The following ABCB10 variants were observed in gnomAD, a reference collection of about 807,000 sequenced individuals.
ABCB10 encodes ATP-binding cassette sub-family B member 10, mitochondrial.
In ABCB10, 54 loss-of-function variants were observed where a neutral mutation model predicts 65.4. That is an observed-to-expected ratio of 0.83 (90% confidence interval 0.66 to 1.04). ABCB10 has a LOEUF of 1.04. Ranked by LOEUF, ABCB10 falls within the 50% of genes least tolerant of loss-of-function variation. ABCB10 has a pLI of 0.00. For missense variants in ABCB10, 846 were observed against 976.6 expected (o/e 0.87, Z 1.78); for synonymous variants, 418 against 406.5 (o/e 1.03, Z -0.34).
intron 1 of ABCB10, among the ~76,000 whole-genome samples, chr1:229,556,790 C>T (rs1470328086): frequency 6.6e-6 from 1 of 152,194 alleles, no homozygotes; most frequent in East Asian, 1.9e-4. Flanking sequence ...CTCAGGGTTT[C>T]TAAAGGCCTC....
intron 5 of ABCB10, 41 bp from the exon 6 acceptor site, chr1:229,539,632 G>A: frequency 6.3e-7 from 1 of 1,597,074 alleles, no homozygotes; most frequent in Non-Finnish European, 8.5e-7. Flanking sequence ...TGGGAATCAA[G>A]GACCCAGAAT....
At chr1:229,531,912 A>G (rs1662594403) in intron 6 of ABCB10, 181 bp from the exon 7 acceptor site, 2 of 333,744 alleles carry the variant, frequency 6.0e-6, no homozygotes, top group African/African-American at 2.3e-5. Flanking sequence ...CTCATACTCT[A>G]GTTTTCCTTT....
At position 229,549,105 on chromosome 1, in the gene ABCB10, C is replaced by A. The variant is rs1399390796; in HGVS notation, c.718+129G>T. On this transcript the variant is annotated intron_variant, in intron 2 of 12. Transcript: ENST00000344517. ...GGGCAGTCATTGGACTCTATCCCCA[C>A]TTAATGGGATGCCAGGAAGAGAGGA... 3 of 966,496 alleles carry A rather than the reference C, an allele frequency of 3.1e-6. No homozygotes were observed. In the African/African-American group the frequency reaches 4.8e-5, roughly 16 times the overall value. The allele number at this position is 966,496 out of a possible 1,614,324, so 59.9% of individuals were successfully genotyped here.
In ABCB10 at chr1:229,558,370, G is replaced by A. The variant is rs1663316383; in HGVS notation, c.283C>T (p.Arg95Cys). ...GLARLLGLWA[R>C]GPGSCRCGAF... is the part of the protein sequence containing the mutation. ...CCGCACCTGCAGCTGCCGGGGCCGCGAGCCCACAGCCCCAGGAGCCGCGCG... is the reference window on the plus strand; with the variant it reads ...CCGCACCTGCAGCTGCCGGGGCCGCAAGCCCACAGCCCCAGGAGCCGCGCG... Residue 95 changes from arginine (R) to cysteine (C), a missense_variant, in exon 1 of 13, where the codon CGC (arginine) becomes TGC (cysteine). Physicochemically the swap from Arg to Cys is radical, Grantham distance 180 (BLOSUM62 -3). This residue lies in a region of ABCB10 where 214 missense variants were observed against 173.5 expected (regional missense o/e 1.23). Coordinates refer to ENST00000344517, the MANE Select transcript of ABCB10 (RefSeq NM_012089.3). 1.6e-6 allele frequency: 2 copies of A among 1,252,858 alleles called. No homozygotes were observed. The highest frequency in any genetic ancestry group is 4.4e-5 in the East Asian group (1 of 22,550). The allele number at this position is 1,252,858 out of a possible 1,614,324, so 77.6% of individuals were successfully genotyped here. A position where few individuals can be genotyped will look rare whatever the true frequency, so the allele number is the denominator to read the frequency against.
chr1:229,518,927 A>G (rs1389829190), intron 11 of ABCB10, 52 bp from the exon 12 acceptor site: 4 of 1,412,548 alleles, frequency 2.8e-6, no homozygotes, highest in Non-Finnish European at 3.9e-6. Context: ...GGAAAAATAC[A>G]AACTCTCAGC....
At chr1:229,555,391 C>G (rs1207849458) in intron 1 of ABCB10, among the ~76,000 whole-genome samples, 1 of 152,270 alleles carries the variant, frequency 6.6e-6, no homozygotes, top group Non-Finnish European at 1.5e-5. Context: ...GAAAAGGGAC[C>G]TTACATCTGT....
chr1:229,539,035 A>G (rs1277617284), intron 6 of ABCB10, among the ~76,000 whole-genome samples: 4 of 152,232 alleles, frequency 2.6e-5, no homozygotes, highest in African/African-American at 9.6e-5. Context: ...AATATGGTCG[A>G]CTTTGTGCAA....
intron 1 of ABCB10, among the ~76,000 whole-genome samples, chr1:229,551,590 T>G (rs1663118258): frequency 6.6e-6 from 1 of 152,358 alleles, no homozygotes; most frequent in East Asian, 1.9e-4. Flanking sequence ...AAAGTCCATA[T>G]GCCTGGCTTA....
chr1:229,546,129 G>A (rs532044783), intron 3 of ABCB10, among the ~76,000 whole-genome samples: 1 of 147,142 alleles, frequency 6.8e-6, no homozygotes, highest in African/African-American at 2.5e-5. Context: ...CCAAGATCGT[G>A]CCATTGCACT....
intron 11 of ABCB10, among the ~76,000 whole-genome samples, chr1:229,520,132 C>A (rs1353585353): frequency 6.6e-6 from 1 of 151,762 alleles, no homozygotes; most frequent in Non-Finnish European, 1.5e-5. Flanking sequence ...GAGACCGTCA[C>A]AAATTTAAAA....
At chr1:229,547,778 A>G (rs1453056837) in intron 2 of ABCB10, 77 bp from the exon 3 acceptor site, 7 of 1,452,836 alleles carry the variant, frequency 4.8e-6, no homozygotes, top group Non-Finnish European at 4.8e-6. Context: ...CTTACTGTGC[A>G]GCAGCTTGGC....
At chr1:229,535,644 T>C (rs116002992) in intron 6 of ABCB10, among the ~76,000 whole-genome samples, 174 of 152,234 alleles carry the variant, frequency 1.1e-3, no homozygotes, top group African/African-American at 3.7e-3. Context: ...TTTGCATTTG[T>C]CCAAACCCAT....
Position 229,517,470 on chromosome 1 carries a change from T to TA in ABCB10, c.*708dup, listed in dbSNP as rs1378522494. 1 of 152,242 alleles carries TA rather than the reference T, an allele frequency of 6.6e-6. No individual in the cohort carries two copies. Among genetic ancestry groups the TA allele is most frequent in the Non-Finnish European group, 1.5e-5 (1 of 68,034 alleles). 9.4% of individuals were successfully genotyped at this position (152,242 alleles called of 1,614,324 possible). ...AAGTACTCATACAAACATGTGAATT[T>TA]AAAAAACATGTTTTCCTGTTCAAAA... On this transcript the variant is annotated 3_prime_UTR_variant, in exon 13 of 13. Transcript: ENST00000344517.
intron 4 of ABCB10, among the ~76,000 whole-genome samples, chr1:229,541,589 G>A (rs915136003): frequency 2.6e-5 from 4 of 152,056 alleles, no homozygotes; most frequent in African/African-American, 9.7e-5. Context: ...TTAAATTAAT[G>A]AAACACTTAT....
intron 3 of ABCB10, among the ~76,000 whole-genome samples, chr1:229,546,720 T>C (rs1417093850): frequency 6.6e-6 from 1 of 151,498 alleles, no homozygotes; most frequent in African/African-American, 2.4e-5. Flanking sequence ...AAAATATATA[T>C]ATATATTCTT....
chr1:229,522,843 T>C (rs986647773), intron 10 of ABCB10, among the ~76,000 whole-genome samples: 2 of 143,266 alleles, frequency 1.4e-5, no homozygotes, highest in African/African-American at 5.4e-5. Context: ...TCCCACATTA[T>C]AGCAATTCTT....
At chr1:229,523,936 G>C (rs2102683596) in intron 10 of ABCB10, among the ~76,000 whole-genome samples, 1 of 151,988 alleles carries the variant, frequency 6.6e-6, no homozygotes, top group Middle Eastern at 3.4e-3. Context: ...TCTACTCCTG[G>C]AACATCTCAG....
intron 11 of ABCB10, 78 bp from the exon 12 acceptor site, chr1:229,518,953 A>C: frequency 1.7e-6 from 2 of 1,189,640 alleles, no homozygotes; most frequent in Non-Finnish European, 2.4e-6. Flanking sequence ...AAAAGGAATA[A>C]AATTCTGACA....
At chr1:229,522,096 C>G (rs1430125333) in intron 10 of ABCB10, among the ~76,000 whole-genome samples, 1 of 151,558 alleles carries the variant, frequency 6.6e-6, no homozygotes, top group Non-Finnish European at 1.5e-5. Context: ...TGGGCTCAAG[C>G]AATCCGCCCA....
Sources: allele counts gnomAD v4.1 joint callset (sites outside exome capture counted in the v4.1 genomes callset), GRCh38; gene constraint gnomAD v4.1.1; regional missense constraint gnomAD v4.1.1; transcripts MANE v1.5; gene names NCBI Gene and HGNC (gene_info 2026-07-23, HGNC 2026-07-21).